EPC1: variants seen among roughly 807,000 people sequenced by gnomAD.
EPC1 encodes the protein enhancer of polycomb 1.
Under a neutral mutation model 98.4 loss-of-function variants are expected in EPC1, and 12 were observed. That is an observed-to-expected ratio of 0.12 (90% confidence interval 0.08 to 0.20). The LOEUF is 0.20. Among genes scored for constraint, EPC1 ranks in the 10% least tolerant of loss-of-function variants. EPC1 has a pLI of 1.00. For synonymous variants in EPC1, 357 were observed against 363.9 expected (o/e 0.98, Z 0.21); for missense variants, 729 against 990.5 (o/e 0.74, Z 3.54).
At chr10:32,277,815 C>G (rs914794288) in intron 10 of EPC1, among the ~76,000 whole-genome samples, 1 of 152,074 alleles carries the variant, frequency 6.6e-6, no homozygotes, top group Non-Finnish European at 1.5e-5. Flanking sequence ...AGCAATCCAC[C>G]TGCTTTGGCC....
At chr10:32,275,938 TAAA>T (rs112016260) in intron 10 of EPC1, among the ~76,000 whole-genome samples, 1 of 144,350 alleles carries the variant, frequency 6.9e-6, no homozygotes. Flanking sequence ...CTCCGTCTCA[TAAA>T]AAAAAAAAAA....
intron 13 of EPC1, 73 bp from the exon 14 acceptor site, chr10:32,269,208 CA>C: frequency 7.6e-7 from 1 of 1,322,760 alleles, no homozygotes; most frequent in East Asian, 2.5e-5. Flanking sequence ...ATCTTCCCAA[CA>C]AAAAGTTTAT....
intron 2 of EPC1, among the ~76,000 whole-genome samples, chr10:32,297,054 A>G (rs1835212082): frequency 6.6e-6 from 1 of 152,112 alleles, no homozygotes; most frequent in Admixed American, 6.6e-5. Context: ...TTATTATGTA[A>G]TTTAGCTGTA....
intron 10 of EPC1, among the ~76,000 whole-genome samples, chr10:32,278,799 C>T (rs1253717147): frequency 6.6e-6 from 1 of 152,082 alleles, no homozygotes; most frequent in African/African-American, 2.4e-5. Flanking sequence ...ACAGGGTTCA[C>T]GAGCCTTATC....
rs1839759760 is a variant in EPC1, at chr10:32,371,827, C to A, written c.3+6664G>T. 3.9e-5 allele frequency among the ~76,000 whole-genome samples: 6 copies of A among 152,124 alleles called. No homozygotes were observed. In the South Asian group the frequency reaches 1.2e-3, roughly 32 times the overall value. On this transcript the variant is annotated intron_variant, in intron 1 of 13. Coordinates refer to the EPC1 transcript ENST00000375110. ...CTGAGGCAGGAGAATTGCTTGAAAC[C>A]AGGAGGCGGAGTTTGCAGTGAGCCA...
intron 1 of EPC1, among the ~76,000 whole-genome samples, chr10:32,322,623 A>G (rs548594000): frequency 1.3e-5 from 2 of 152,346 alleles, no homozygotes; most frequent in Admixed American, 1.3e-4. Flanking sequence ...TATTACATAC[A>G]TTGTTTTACT....
rs74648290 is a variant in EPC1 at position 32,295,035 on chromosome 10, T to C, written c.314-1298A>G. Among the ~76,000 whole-genome samples, 1,464 of 152,266 alleles carry C rather than the reference T, an allele frequency of 9.6e-3. 18 individuals are homozygous for C. The highest frequency in any genetic ancestry group is 0.033 in the African/African-American group (1,373 of 41,542). ...TCATCTAGAATCCTTTTTTGATTTT[T>C]CCCCACCCAAGAAGTGGTTCCTAAC... On this transcript the variant is annotated intron_variant, in intron 2 of 13. Transcript: ENST00000319778.
intron 6 of EPC1, among the ~76,000 whole-genome samples, chr10:32,290,483 C>CAAAGAAAA (rs1836935766): frequency 2.5e-5 from 1 of 40,160 alleles, no homozygotes; most frequent in African/African-American, 1.3e-4. Flanking sequence ...AAGACTCTGT[C>CAAAGAAAA]AAAAAAAAAA....
intron 1 of EPC1, among the ~76,000 whole-genome samples, chr10:32,353,171 A>AAAAAAAAAG (rs1260054768): frequency 1.3e-5 from 2 of 151,780 alleles, no homozygotes; most frequent in African/African-American, 4.8e-5. Context: ...AAAAAAAAAA[A>AAAAAAAAAG]AGCAAAAAAA....
Position 32,292,976 on chromosome 10 carries a change from A to T in EPC1, c.666+12T>A. The T allele has an allele frequency of 6.6e-7, 1 of 1,521,702 alleles. No homozygotes were observed. The highest frequency in any genetic ancestry group is 8.8e-7 in the Non-Finnish European group (1 of 1,133,752). The allele number at this position is 1,521,702 out of a possible 1,614,324, so 94.3% of individuals were successfully genotyped here. A position where few individuals can be genotyped will look rare whatever the true frequency, so the allele number is the denominator to read the frequency against. On this transcript the variant is annotated intron_variant, in intron 4 of 13. Transcript: ENST00000319778. The stretch of plus-strand genomic sequence containing the variant: ...TATATAATTATCAAAAAAATTCTTC[A>T]AATTCACTTACTTTTCGAGTCTGCA...
chr10:32,280,760 C>T (rs963444431), intron 10 of EPC1, among the ~76,000 whole-genome samples: 3 of 146,766 alleles, frequency 2.0e-5, no homozygotes, highest in Non-Finnish European at 4.6e-5. Flanking sequence ...AACATAAAAA[C>T]AATGAATAAT....
Position 32,292,734 on chromosome 10 carries a change from G to T in EPC1, c.667-90C>A, listed in dbSNP as rs78498194. On this transcript the variant is annotated intron_variant, in intron 4 of 13. Coordinates refer to ENST00000319778, the MANE Select transcript of EPC1 (RefSeq NM_001272004.3). ...CCCATAAAATTTATATATTTGAAGG[G>T]TTAAATTAGAATTTAAAGACAATAA... The T allele has an allele frequency of 7.1e-4, 908 of 1,284,588 alleles. 5 individuals are homozygous for T. In the African/African-American group the frequency reaches 0.013, roughly 18 times the overall value. 79.6% of individuals were successfully genotyped at this position (1,284,588 alleles called of 1,614,324 possible).
chr10:32,273,109 T>C, intron 11 of EPC1, 54 bp downstream of exon 11: 1 of 1,614,128 alleles, frequency 6.2e-7, no homozygotes, highest in South Asian at 1.1e-5. Context: ...TAATTAGAGA[T>C]GAACTCTGGT....
intron 2 of EPC1, among the ~76,000 whole-genome samples, chr10:32,303,876 A>AAGTT (rs1348519075): frequency 6.6e-6 from 1 of 152,260 alleles, no homozygotes; most frequent in Non-Finnish European, 1.5e-5. Flanking sequence ...GTTGTACATG[A>AAGTT]AGTTAATACT....
intron 1 of EPC1, among the ~76,000 whole-genome samples, chr10:32,352,897 T>C (rs1839155171): frequency 6.6e-6 from 1 of 152,186 alleles, no homozygotes; most frequent in African/African-American, 2.4e-5. Flanking sequence ...GGCTCACACC[T>C]GTAATCCCAG....
At chr10:32,365,454 C>T (rs2133111276) in intron 1 of EPC1, among the ~76,000 whole-genome samples, 1 of 152,120 alleles carries the variant, frequency 6.6e-6, no homozygotes, top group East Asian at 1.9e-4. Flanking sequence ...CCAACAACAA[C>T]AACAAGAACA....
intron 2 of EPC1, among the ~76,000 whole-genome samples, chr10:32,296,099 G>GT (rs542131000): frequency 0.026 from 3,786 of 145,412 alleles, 100 homozygotes; most frequent in African/African-American, 0.069. Flanking sequence ...AATTTTCGTA[G>GT]TTTTTTTTTT....
At position 32,273,256 on chromosome 10, in the gene EPC1, T is replaced by C; in HGVS notation, c.1770A>G (p.Gln590=). The part of the protein sequence containing the change: ...HFAFTAEQYQ[Q]HQQQLALMQK... ...GCATGAGTGCCAGTTGCTGTTGATG[T>C]TGCTGGTATTGTTCGGCTGTAAATG... Residue 590 remains glutamine (Q), a synonymous_variant, in exon 11 of 14, where the codon CAA becomes CAG. Transcript: ENST00000319778. 1 of 1,614,112 alleles carries C rather than the reference T, an allele frequency of 6.2e-7. No individual in the cohort carries two copies. Among genetic ancestry groups the C allele is most frequent in the Non-Finnish European group, 8.5e-7 (1 of 1,179,936 alleles).
intron 2 of EPC1, among the ~76,000 whole-genome samples, chr10:32,305,353 T>C (rs1337772713): frequency 1.3e-5 from 2 of 152,224 alleles, no homozygotes; most frequent in African/African-American, 2.4e-5. Context: ...AACTGAATAG[T>C]TGTGACAGAA....
Sources: allele counts gnomAD v4.1 joint callset (sites outside exome capture counted in the v4.1 genomes callset), GRCh38; gene constraint gnomAD v4.1.1; transcripts MANE v1.5; gene names NCBI Gene and HGNC (gene_info 2026-07-23, HGNC 2026-07-21).